Variants in SGCZ observed in about 807,000 individuals in gnomAD.
SGCZ encodes sarcoglycan zeta.
Under a neutral mutation model 41.3 loss-of-function variants are expected in SGCZ, and 40 were observed. The ratio of observed to expected loss-of-function variants is 0.97; its 90% CI spans 0.75 to 1.26. The LOEUF is 1.26. SGCZ is among the 50% of genes most tolerant of loss of function. The pLI is 0.00. For missense variants in SGCZ, 552 were observed against 369.8 expected, an observed-to-expected ratio of 1.49 and a Z score of -4.04; for synonymous variants, 206 against 137.5, an observed-to-expected ratio of 1.50 and a Z score of -3.49.
At chr8:14,396,443 T>C (rs1798922872) in intron 2 of SGCZ, among the ~76,000 whole-genome samples, 2 of 152,156 alleles carry the variant, frequency 1.3e-5, no homozygotes, top group Admixed American at 1.3e-4. Flanking sequence ...GAGAATTTGA[T>C]CACTTAGGCG....
Position 14,666,447 on chromosome 8 carries a change from A to T in SGCZ, c.40-111521T>A, listed in dbSNP as rs533362848. 3.9e-5 allele frequency among the ~76,000 whole-genome samples: 6 copies of T among 152,296 alleles called. No homozygotes were observed. The South Asian group carries it at 1.0e-3, about 26-fold the overall frequency. ...AGATGCAGTGAATCACAAAAACGTT[A>T]GTGTCCTTTCAACCTAAGAATCTTT... On this transcript the variant is annotated intron_variant, in intron 1 of 7. Coordinates refer to ENST00000382080, the MANE Select transcript of SGCZ (RefSeq NM_139167.4).
intron 5 of SGCZ, among the ~76,000 whole-genome samples, chr8:14,115,350 T>G (rs1285585390): frequency 6.6e-6 from 1 of 152,062 alleles, no homozygotes; most frequent in Non-Finnish European, 1.5e-5. Context: ...AGCTTCATTA[T>G]AAACATTATA....
chr8:14,093,502 A>G (rs1176962961), intron 7 of SGCZ, among the ~76,000 whole-genome samples: 3 of 152,048 alleles, frequency 2.0e-5, no homozygotes, highest in African/African-American at 7.2e-5. Flanking sequence ...CATTTTCTCA[A>G]AAATAGCAAA....
Position 14,355,664 on chromosome 8 carries a change from T to C in SGCZ, c.235-31460A>G, listed in dbSNP as rs184990769. On this transcript the variant is annotated intron_variant, in intron 2 of 7. Transcript: ENST00000382080. ...CAAGTACTGTAAAACCTTGGGAAAA[T>C]GATAAAAATGAAAGGACTGAAGGTC... Among the ~76,000 whole-genome samples, 102 of 151,748 alleles carry C rather than the reference T, an allele frequency of 6.7e-4. 2 individuals carry two copies. Among genetic ancestry groups the C allele is most frequent in the Admixed American group, 4.5e-3 (68 of 15,228 alleles).
intron 1 of SGCZ, among the ~76,000 whole-genome samples, chr8:14,695,798 G>A (rs1203871671): frequency 1.3e-5 from 2 of 151,948 alleles, no homozygotes; most frequent in African/African-American, 4.8e-5. Context: ...ACTAGCAAAA[G>A]TGATGAGGAG....
chr8:14,793,006 T>C (rs1801004704), intron 1 of SGCZ, among the ~76,000 whole-genome samples: 1 of 152,216 alleles, frequency 6.6e-6, no homozygotes, highest in Non-Finnish European at 1.5e-5. Context: ...GACAATGCTA[T>C]TTGAATATTG....
At chr8:14,864,771 T>C (rs185482673) in intron 1 of SGCZ, among the ~76,000 whole-genome samples, 13 of 152,246 alleles carry the variant, frequency 8.5e-5, no homozygotes, top group Admixed American at 3.3e-4. Flanking sequence ...AACCGGTAAC[T>C]AATTTGTATT....
At chr8:14,919,054 C>T (rs1247939448) in intron 1 of SGCZ, among the ~76,000 whole-genome samples, 1 of 152,132 alleles carries the variant, frequency 6.6e-6, no homozygotes. Context: ...AATAGCAATA[C>T]TCACCTTTTA....
At chr8:14,289,787 C>T (rs1010954802) in intron 3 of SGCZ, among the ~76,000 whole-genome samples, 3 of 151,308 alleles carry the variant, frequency 2.0e-5, no homozygotes, top group Non-Finnish European at 4.4e-5. Context: ...AGTCCATTTC[C>T]ACCCTGCTAT....
At chr8:14,419,354 C>T (rs544228023) in intron 2 of SGCZ, among the ~76,000 whole-genome samples, 5 of 151,856 alleles carry the variant, frequency 3.3e-5, no homozygotes, top group Non-Finnish European at 4.4e-5. Flanking sequence ...TAAGAATTTA[C>T]GTCTTTCCTC....
At chr8:14,846,419 C>T (rs946651765) in intron 1 of SGCZ, among the ~76,000 whole-genome samples, 10 of 151,782 alleles carry the variant, frequency 6.6e-5, no homozygotes, top group African/African-American at 2.4e-4. Context: ...GATAAGTTAA[C>T]GTATCCCAGC....
At chr8:14,558,580 G>GAGAGAGAA (rs1554539161) in intron 1 of SGCZ, among the ~76,000 whole-genome samples, 1 of 134,394 alleles carries the variant, frequency 7.4e-6, no homozygotes, top group Non-Finnish European at 1.6e-5. Flanking sequence ...CTCTTAGAGA[G>GAGAGAGAA]AGAGAGAGAG....
intron 3 of SGCZ, among the ~76,000 whole-genome samples, chr8:14,257,286 G>A (rs1248623710): frequency 6.6e-6 from 1 of 151,556 alleles, no homozygotes; most frequent in Non-Finnish European, 1.5e-5. Flanking sequence ...AACCGTGATT[G>A]TGCCACTCAC....
intron 1 of SGCZ, among the ~76,000 whole-genome samples, chr8:14,686,618 A>G (rs925733831): frequency 6.6e-6 from 1 of 152,172 alleles, no homozygotes; most frequent in East Asian, 1.9e-4. Flanking sequence ...GCTATTATTA[A>G]GTAGAAGCAG....
At chr8:15,075,506 A>T (rs552628445) in intron 1 of SGCZ, among the ~76,000 whole-genome samples, 1 of 152,250 alleles carries the variant, frequency 6.6e-6, no homozygotes, top group East Asian at 1.9e-4. Context: ...TTGTGGTTCC[A>T]GCCTAACACC....
chr8:14,763,339 C>T (rs977088294), intron 1 of SGCZ, among the ~76,000 whole-genome samples: 9 of 152,096 alleles, frequency 5.9e-5, no homozygotes, highest in African/African-American at 2.2e-4. Context: ...AGCCCATTCT[C>T]CAGGATTACT....
At chr8:14,493,641 G>A (rs1801909787) in intron 2 of SGCZ, among the ~76,000 whole-genome samples, 2 of 151,448 alleles carry the variant, frequency 1.3e-5, no homozygotes, top group Admixed American at 1.3e-4. Flanking sequence ...GCTGGGATTA[G>A]AGGCATGAGT....
intron 2 of SGCZ, among the ~76,000 whole-genome samples, chr8:14,383,955 T>C (rs1804468494): frequency 6.6e-6 from 1 of 151,944 alleles, no homozygotes; most frequent in South Asian, 2.1e-4. Flanking sequence ...GAATTTTCTT[T>C]TTTTTCTTTT....
chr8:15,032,742 C>A (rs1422050534), intron 1 of SGCZ, among the ~76,000 whole-genome samples: 2 of 152,098 alleles, frequency 1.3e-5, no homozygotes, highest in Non-Finnish European at 1.5e-5. Context: ...ACTACTTTGG[C>A]CCCCACAGCC....
Sources: allele counts gnomAD v4.1 joint callset (sites outside exome capture counted in the v4.1 genomes callset), GRCh38; gene constraint gnomAD v4.1.1; transcripts MANE v1.5; gene names NCBI Gene and HGNC (gene_info 2026-07-23, HGNC 2026-07-21).